HDAC4: variants seen among roughly 807,000 people sequenced by gnomAD.
HDAC4 encodes the protein histone deacetylase 4.
Under a neutral mutation model 135.1 loss-of-function variants are expected in HDAC4, and 16 were observed. The observed-to-expected ratio is 0.12, with a 90% CI of 0.08 to 0.18. The LOEUF is 0.18. Ranked by LOEUF, HDAC4 falls within the 10% of genes least tolerant of loss-of-function variation. The pLI, the probability that HDAC4 is intolerant of heterozygous loss-of-function variation, is 1.00. For synonymous variants in HDAC4, 685 were observed against 653.4 expected, an observed-to-expected ratio of 1.05 and a Z score of -0.74; for missense variants, 1,143 against 1,511.8, an observed-to-expected ratio of 0.76 and a Z score of 4.05.
intron 14 of HDAC4, among the ~76,000 whole-genome samples, chr2:239,110,343 C>G (rs1369607255): frequency 1.3e-5 from 2 of 152,196 alleles, no homozygotes; most frequent in Non-Finnish European, 2.9e-5. Context: ...AAGCGGGACT[C>G]CCTGCAAGTC....
intron 3 of HDAC4, among the ~76,000 whole-genome samples, chr2:239,193,781 G>A (rs564718585): frequency 4.7e-4 from 72 of 152,364 alleles, no homozygotes; most frequent in African/African-American, 1.6e-3. Flanking sequence ...TTGGCTGGCC[G>A]AGTGGAATTT....
At chr2:239,393,655 C>T (rs975528206) in intron 1 of HDAC4, among the ~76,000 whole-genome samples, 11 of 151,220 alleles carry the variant, frequency 7.3e-5, no homozygotes, top group East Asian at 1.9e-4. Context: ...TCCTGCACCA[C>T]GGCTCTCCCT....
chr2:239,143,275 A>ACC (rs2041528348), intron 8 of HDAC4, among the ~76,000 whole-genome samples: 1 of 151,834 alleles, frequency 6.6e-6, no homozygotes, highest in Non-Finnish European at 1.5e-5. Context: ...AAAAAACAAC[A>ACC]AAAAAACGCA....
intron 12 of HDAC4, among the ~76,000 whole-genome samples, chr2:239,122,444 C>T (rs1575107491): frequency 6.6e-6 from 1 of 152,388 alleles, no homozygotes; most frequent in Non-Finnish European, 1.5e-5. Flanking sequence ...CCAGTTTCAC[C>T]TGCAGAGTTC....
chr2:239,180,648 C>G (rs913588348), intron 4 of HDAC4, among the ~76,000 whole-genome samples: 2 of 152,204 alleles, frequency 1.3e-5, no homozygotes, highest in Non-Finnish European at 2.9e-5. Flanking sequence ...AGGCATTGGC[C>G]AACCAAATGG....
chr2:239,397,249 G>T (rs190668506), intron 1 of HDAC4, among the ~76,000 whole-genome samples: 1 of 152,182 alleles, frequency 6.6e-6, no homozygotes, highest in African/African-American at 2.4e-5. Flanking sequence ...GGAGATGCAG[G>T]GGGTGGCACA....
intron 24 of HDAC4, among the ~76,000 whole-genome samples, chr2:239,065,280 G>C (rs538559325): frequency 6.6e-6 from 1 of 152,342 alleles, no homozygotes; most frequent in South Asian, 2.1e-4. Flanking sequence ...CCTGTCTGGT[G>C]AACAGAGGGC....
At position 239,313,757 on chromosome 2, in the gene HDAC4, C is replaced by T. The variant is rs558049330; in HGVS notation, c.22+38921G>A. Among the ~76,000 whole-genome samples, 16 of 152,290 alleles carry T rather than the reference C, an allele frequency of 1.1e-4. No homozygotes were observed. The highest frequency in any genetic ancestry group is 2.1e-4 in the South Asian group (1 of 4,828). On this transcript the variant is annotated intron_variant, in intron 2 of 26. Coordinates refer to ENST00000543185, the MANE Select transcript of HDAC4 (RefSeq NM_001378414.1). This position sits in a 1 kb window ranked among gnomAD's most constrained non-coding sequence, Gnocchi z 5.1. ...AATATGGCACACGCACTTTTAGAGACGTCTAATTATACTCAGGGCTGAGTT... is the reference window on the plus strand; with the variant it reads ...AATATGGCACACGCACTTTTAGAGATGTCTAATTATACTCAGGGCTGAGTT...
rs1270840626 is a variant in HDAC4, at chr2:239,124,641, T to TGA, written c.1533+1814_1533+1815insTC. 5.7e-4 allele frequency among the ~76,000 whole-genome samples: 50 copies of TGA among 87,760 alleles called. 3 individuals are homozygous for TGA. Among genetic ancestry groups the TGA allele is most frequent in the African/African-American group, 2.6e-3 (48 of 18,262 alleles). The allele number at this position is 87,760 out of a possible 152,430, so 57.6% of individuals were successfully genotyped here. On this transcript the variant is annotated intron_variant, in intron 12 of 26. Transcript: ENST00000543185. Reference sequence around the variant, plus strand: ...CGGCGTGCCGGCATGTGGCCGCACATCATTCCACGTTATATGACATTCCGG... The same window carrying TGA: ...CGGCGTGCCGGCATGTGGCCGCACATGACATTCCACGTTATATGACATTCCGG...
At chr2:239,109,939 C>T (rs575954055) in intron 14 of HDAC4, among the ~76,000 whole-genome samples, 3 of 152,198 alleles carry the variant, frequency 2.0e-5, no homozygotes, top group African/African-American at 4.8e-5. Context: ...AAAGCTGGAG[C>T]GTAGAGAGAT....
chr2:239,193,698 A>C (rs954437346), intron 3 of HDAC4, among the ~76,000 whole-genome samples: 1 of 152,172 alleles, frequency 6.6e-6, no homozygotes, highest in Non-Finnish European at 1.5e-5. Context: ...AGCAGCAGCA[A>C]CTCTGGTGCT....
At chr2:239,112,065 C>A (rs868176986) in intron 13 of HDAC4, among the ~76,000 whole-genome samples, 3 of 152,174 alleles carry the variant, frequency 2.0e-5, no homozygotes, top group Admixed American at 6.5e-5. Flanking sequence ...TCAAGGAGGG[C>A]TTCTCTGAGG....
At chr2:239,261,111 G>A (rs1398610443) in intron 2 of HDAC4, among the ~76,000 whole-genome samples, 2 of 152,178 alleles carry the variant, frequency 1.3e-5, no homozygotes, top group African/African-American at 2.4e-5. Flanking sequence ...TTGCTACATT[G>A]CCCAGGCTGG....
intron 9 of HDAC4, among the ~76,000 whole-genome samples, chr2:239,135,949 C>A (rs2040923617): frequency 6.6e-6 from 1 of 152,194 alleles, no homozygotes; most frequent in Non-Finnish European, 1.5e-5. Flanking sequence ...TAGAAGGCCA[C>A]ACAGGAAGAG....
intron 5 of HDAC4, among the ~76,000 whole-genome samples, chr2:239,170,622 CTTCAAGAAT>C (rs1391702120): frequency 5.3e-5 from 8 of 152,178 alleles, no homozygotes; most frequent in African/African-American, 1.9e-4. Context: ...AATAATGTAA[CTTCAAGAAT>C]TTTTATTCAG....
At chr2:239,129,748 C>T (rs1020735274) in intron 11 of HDAC4, among the ~76,000 whole-genome samples, 5 of 152,180 alleles carry the variant, frequency 3.3e-5, no homozygotes, top group African/African-American at 4.8e-5. Context: ...CATACTCTAA[C>T]ACACAATCAC....
At chr2:239,077,317 G>A (rs1021933382) in intron 22 of HDAC4, among the ~76,000 whole-genome samples, 11 of 152,206 alleles carry the variant, frequency 7.2e-5, no homozygotes, top group African/African-American at 2.4e-4. Context: ...TGCCAGGCTC[G>A]TTCTTCCAGG....
At position 239,079,826 on chromosome 2, in the gene HDAC4, GCA is replaced by G. The variant is rs575195201; in HGVS notation, c.2750+1267_2750+1268del. Among the ~76,000 whole-genome samples the G allele has an allele frequency of 1.6e-4, 23 of 140,790 alleles. No individual in the cohort carries two copies. The South Asian group carries it at 3.6e-3, about 22-fold the overall frequency. The allele number at this position is 140,790 out of a possible 152,430, so 92.4% of individuals were successfully genotyped here. A position where few individuals can be genotyped will look rare whatever the true frequency, so the allele number is the denominator to read the frequency against. The stretch of plus-strand genomic sequence containing the variant: ...CACGTGTGTACTCATATACAGATGT[GCA>G]CACACAGCGATATACACACAAAGAC... On this transcript the variant is annotated intron_variant, in intron 22 of 26. Transcript: ENST00000543185.
chr2:239,359,471 A>C (rs996103903), intron 1 of HDAC4, among the ~76,000 whole-genome samples: 1 of 152,198 alleles, frequency 6.6e-6, no homozygotes, highest in Admixed American at 6.5e-5. Flanking sequence ...CGCTGAGGGA[A>C]GCAGAAGCCA....
Sources: allele counts gnomAD v4.1 joint callset (sites outside exome capture counted in the v4.1 genomes callset), GRCh38; gene constraint gnomAD v4.1.1; non-coding constraint Gnocchi (gnomAD v3.1); transcripts MANE v1.5; gene names NCBI Gene and HGNC (gene_info 2026-07-23, HGNC 2026-07-21).